PTGFRN: variants seen among roughly 807,000 people sequenced by gnomAD.
The protein encoded by PTGFRN is prostaglandin F2 receptor negative regulator.
PTGFRN carries 35 observed loss-of-function variants against 83.2 expected under a neutral mutation model. The observed-to-expected ratio is 0.42, with a 90% CI of 0.32 to 0.56. The LOEUF (loss-of-function observed/expected upper bound fraction) is 0.56, where lower values mean the gene tolerates loss of function less well. Among genes scored for constraint, PTGFRN ranks in the 20% least tolerant of loss-of-function variants. PTGFRN has a pLI of 0.11. For synonymous variants in PTGFRN, 519 were observed against 498.6 expected (o/e 1.04, Z -0.55); for missense variants, 1,051 against 1,179.5 (o/e 0.89, Z 1.60).
In PTGFRN at chr1:116,986,876, T is replaced by C; in HGVS notation, c.2549T>C (p.Ile850Thr). The C allele has an allele frequency of 1.2e-6, 2 of 1,614,192 alleles. No homozygotes were observed. The highest frequency in any genetic ancestry group is 1.7e-6 in the Non-Finnish European group (2 of 1,180,028). ...STVIGLLSCLIGYCSSHWCCK... is the reference protein window; with the variant it reads ...STVIGLLSCLTGYCSSHWCCK... ...GTCATCGGGCTCCTGTCCTGTCTCA[T>C]CGGGTACTGCAGCTCCCACTGGTGT... The change falls in exon 9 of 9, where the codon ATC (isoleucine) becomes ACC (threonine). Residue 850 changes from isoleucine (I) to threonine (T), a missense_variant. Physicochemically the swap from Ile to Thr is moderately conservative, Grantham distance 89 (BLOSUM62 -1). Transcript: ENST00000393203.
intron 2 of PTGFRN, among the ~76,000 whole-genome samples, chr1:116,943,449 G>A (rs1650108847): frequency 6.6e-6 from 1 of 152,164 alleles, no homozygotes; most frequent in Admixed American, 6.5e-5. Context: ...GTATCTTTCA[G>A]CCTCTTCTGC....
chr1:116,943,338 T>C (rs1252880084), intron 2 of PTGFRN, among the ~76,000 whole-genome samples: 1 of 152,228 alleles, frequency 6.6e-6, no homozygotes, highest in Non-Finnish European at 1.5e-5. Context: ...CATGCCACTT[T>C]TTCATTAAGC....
chr1:116,973,292 C>G (rs2101084460), intron 6 of PTGFRN, among the ~76,000 whole-genome samples: 1 of 152,246 alleles, frequency 6.6e-6, no homozygotes, highest in African/African-American at 2.4e-5. Flanking sequence ...CATATACTCC[C>G]AACTCTCCCA....
chr1:116,916,046 A>G (rs1649396578), intron 1 of PTGFRN, among the ~76,000 whole-genome samples: 1 of 152,340 alleles, frequency 6.6e-6, no homozygotes, highest in South Asian at 2.1e-4. Context: ...TGTCCCAGCA[A>G]TATGCGTTTC....
At chr1:116,968,627 G>A (rs1650907351) in intron 6 of PTGFRN, among the ~76,000 whole-genome samples, 1 of 152,028 alleles carries the variant, frequency 6.6e-6, no homozygotes. Context: ...ACAGAGTTGT[G>A]CAACTATCAC....
At position 116,944,598 on chromosome 1, in the gene PTGFRN, CTG is replaced by C. The variant is rs1240379640; in HGVS notation, c.419-78_419-77del. 24 of 1,279,276 alleles carry C rather than the reference CTG, an allele frequency of 1.9e-5. No individual in the cohort carries two copies. The Middle Eastern group carries it at 9.0e-4, about 48-fold the overall frequency. The allele number at this position is 1,279,276 out of a possible 1,614,324, so 79.2% of individuals were successfully genotyped here. Reference sequence around the variant, plus strand: ...AATGGGAAAGGGAGGAGGAAATTGTCTGTGGTTGCAGCGGTGGGCTGGCCCTT... The same window carrying C: ...AATGGGAAAGGGAGGAGGAAATTGTCTGGTTGCAGCGGTGGGCTGGCCCTT... On this transcript the variant is annotated intron_variant, in intron 2 of 8. Coordinates refer to ENST00000393203, the MANE Select transcript of PTGFRN (RefSeq NM_020440.4).
rs1649229096 is a variant in PTGFRN at position 116,910,237 on chromosome 1, G to C, written c.34G>C (p.Ala12Pro). The C allele has an allele frequency of 1.4e-6, 2 of 1,456,018 alleles. No homozygotes were observed. Among genetic ancestry groups the C allele is most frequent in the Non-Finnish European group, 1.8e-6 (2 of 1,110,706 alleles). The allele number at this position is 1,456,018 out of a possible 1,614,324, so 90.2% of individuals were successfully genotyped here. A position where few individuals can be genotyped will look rare whatever the true frequency, so the allele number is the denominator to read the frequency against. Residue 12 changes from alanine to proline, a missense_variant, in exon 1 of 9, where the codon GCG (alanine) becomes CCG (proline). By Grantham distance (27) the Ala-to-Pro change is conservative. Around this residue, in one of 3 missense-constraint regions of PTGFRN, gnomAD observed 127 missense variants for 168.4 expected, o/e 0.75. Coordinates refer to ENST00000393203, the MANE Select transcript of PTGFRN (RefSeq NM_020440.4). The part of the protein sequence containing the change: ...GRLASRPLLL[A>P]LLSLALCRGR... ...CCTGGCCTCGAGGCCGCTGCTGCTG[G>C]CGCTCCTGTCGTTGGGTGAGTGTGC...
At chr1:116,933,386 A>T (rs1387909906) in intron 1 of PTGFRN, among the ~76,000 whole-genome samples, 1 of 152,170 alleles carries the variant, frequency 6.6e-6, no homozygotes, top group Non-Finnish European at 1.5e-5. Flanking sequence ...TTTAAGCTCC[A>T]ATGTATTCCA....
Position 116,961,346 on chromosome 1 carries a change from G to A in PTGFRN, c.1317G>A (p.Ala439=), listed in dbSNP as rs375627235. ...TGGTGGACACGAAGAGTGGGGAGGC[G>A]AATGTCCGATTCACGGTTTCGTGGT... is the stretch of plus-strand genomic sequence containing the variant. ...CRVVDTKSGE[A]NVRFTVSWYY... is the part of the protein sequence containing the mutation. Residue 439 remains alanine (A), a synonymous_variant, in exon 5 of 9, where the codon GCG becomes GCA. Transcript: ENST00000393203. The surrounding 1 kb of genome is among the most constrained non-coding windows in gnomAD (Gnocchi z 5.4). The A allele has an allele frequency of 1.6e-5, 26 of 1,586,840 alleles. No homozygotes were observed. The highest frequency in any genetic ancestry group is 1.0e-4 in the Admixed American group (6 of 58,684).
intron 6 of PTGFRN, among the ~76,000 whole-genome samples, 185 bp downstream of exon 6, chr1:116,967,515 G>A (rs556626641): frequency 6.6e-5 from 10 of 152,176 alleles, no homozygotes; most frequent in Admixed American, 3.3e-4. Flanking sequence ...TCATCACCAC[G>A]ACCAGTTTTA....
chr1:116,911,867 G>A (rs113880856), intron 1 of PTGFRN, among the ~76,000 whole-genome samples: 1 of 152,162 alleles, frequency 6.6e-6, no homozygotes, highest in Non-Finnish European at 1.5e-5. Flanking sequence ...TGTTAGTGGC[G>A]CACTGCTGTT....
intron 1 of PTGFRN, among the ~76,000 whole-genome samples, chr1:116,936,895 A>T (rs956330418): frequency 6.6e-6 from 1 of 152,248 alleles, no homozygotes; most frequent in Admixed American, 6.5e-5. Context: ...CACTACTCAT[A>T]TGGAACTTAC....
intron 2 of PTGFRN, among the ~76,000 whole-genome samples, chr1:116,944,215 C>T (rs113434152): frequency 6.6e-6 from 1 of 152,172 alleles, no homozygotes; most frequent in African/African-American, 2.4e-5. Flanking sequence ...CTAGCCTAGC[C>T]CTGGTCCTAA....
chr1:116,959,617 G>T (rs957261817), intron 4 of PTGFRN, among the ~76,000 whole-genome samples: 2 of 152,154 alleles, frequency 1.3e-5, no homozygotes, highest in Admixed American at 6.5e-5. Context: ...TTGATAAATG[G>T]AGAGTTCTGT....
chr1:116,983,498 C>CAAA (rs71096893), intron 7 of PTGFRN, among the ~76,000 whole-genome samples: 5 of 104,022 alleles, frequency 4.8e-5, no homozygotes, highest in South Asian at 3.0e-4. Context: ...ACACTGGGAA[C>CAAA]AAAAAAAAAA....
At chr1:116,976,846 A>G (rs184627761) in intron 7 of PTGFRN, among the ~76,000 whole-genome samples, 1 of 152,336 alleles carries the variant, frequency 6.6e-6, no homozygotes, top group African/African-American at 2.4e-5. Flanking sequence ...TAACATCATA[A>G]TGACAGGATC....
At position 116,944,766 on chromosome 1, in the gene PTGFRN, G is replaced by A; in HGVS notation, c.506G>A (p.Cys169Tyr). The A allele has an allele frequency of 6.4e-7, 1 of 1,554,086 alleles. No individual in the cohort carries two copies. The highest frequency in any genetic ancestry group is 8.7e-7 in the Non-Finnish European group (1 of 1,153,998). Reference sequence around the variant, plus strand: ...GAGGGGGAGCCCTTCGAGCTGCGCTGCACCGCCGCCTCCGCCTCGCCGCTG... The same window carrying A: ...GAGGGGGAGCCCTTCGAGCTGCGCTACACCGCCGCCTCCGCCTCGCCGCTG... ...LREGEPFELR[C>Y]TAASASPLHT... Residue 169 changes from cysteine (C) to tyrosine (Y), a missense_variant, in exon 3 of 9, where the codon TGC (cysteine) becomes TAC (tyrosine). Coordinates refer to ENST00000393203, the MANE Select transcript of PTGFRN (RefSeq NM_020440.4).
intron 6 of PTGFRN, among the ~76,000 whole-genome samples, chr1:116,967,803 T>TC (rs1325820275): frequency 2.0e-5 from 3 of 152,366 alleles, no homozygotes; most frequent in African/African-American, 7.2e-5. Context: ...CGTATGGATA[T>TC]CCCACATTGT....
chr1:116,939,913 T>A (rs1337735441), intron 1 of PTGFRN, among the ~76,000 whole-genome samples: 1 of 152,206 alleles, frequency 6.6e-6, no homozygotes, highest in Non-Finnish European at 1.5e-5. Flanking sequence ...TTCTCTTTGC[T>A]AAAACATAAC....
Sources: gnomAD v4.1 joint callset for allele counts (sites outside exome capture counted in the v4.1 genomes callset) on GRCh38, gnomAD v4.1.1 for gene constraint, gnomAD v4.1.1 regional missense constraint, Gnocchi (gnomAD v3.1) non-coding constraint, MANE v1.5 for transcripts, NCBI Gene and HGNC (gene_info 2026-07-23, HGNC 2026-07-21) for gene names.